Variants in CENPP observed in about 807,000 individuals in gnomAD.
CENPP encodes the protein centromere protein P.
A neutral mutation model predicts 35.6 loss-of-function variants in CENPP; 24 were observed. That is an observed-to-expected ratio of 0.67 (90% CI 0.49 to 0.95). CENPP has a LOEUF of 0.95. Ranked by LOEUF, CENPP falls within the 40% of genes least tolerant of loss-of-function variation. CENPP has a pLI of 0.00. For missense variants in CENPP, 332 were observed against 345.3 expected, an observed-to-expected ratio of 0.96 and a Z score of 0.31; for synonymous variants, 120 against 125.5, an observed-to-expected ratio of 0.96 and a Z score of 0.29.
intron 5 of CENPP, among the ~76,000 whole-genome samples, chr9:92,545,068 A>G (rs1011552816): frequency 6.6e-6 from 1 of 152,198 alleles, no homozygotes; most frequent in Non-Finnish European, 1.5e-5. Context: ...AAATCTTAAG[A>G]GGTGACAGCC....
chr9:92,560,648 G>A (rs2131341203), intron 5 of CENPP, among the ~76,000 whole-genome samples: 1 of 152,210 alleles, frequency 6.6e-6, no homozygotes, highest in Admixed American at 6.5e-5. Context: ...CCTACATCCT[G>A]TTTGGCTGTC....
intron 5 of CENPP, among the ~76,000 whole-genome samples, chr9:92,419,210 A>G (rs1331723927): frequency 3.3e-5 from 5 of 151,850 alleles, no homozygotes; most frequent in African/African-American, 1.2e-4. Context: ...GTCACTTAAC[A>G]TATCTGCCTC....
In CENPP at chr9:92,593,789, G is replaced by A. The variant is rs1445711484; in HGVS notation, c.565-17525G>A. ...AAGTTTTTTTCTTTAAATTCTTTCG[G>A]TAAAAAATGGGAGCCACTTATTAAA... On this transcript the variant is annotated intron_variant, in intron 5 of 7. Transcript: ENST00000375587. The surrounding 1 kb of genome is among the most constrained non-coding windows in gnomAD (Gnocchi z 4.1). Among the ~76,000 whole-genome samples the A allele has an allele frequency of 6.6e-6, 1 of 152,098 alleles. No individual in the cohort carries two copies. The highest frequency in any genetic ancestry group is 2.4e-5 in the African/African-American group (1 of 41,412).
chr9:92,372,239 T>C (rs1208931002), intron 4 of CENPP, among the ~76,000 whole-genome samples: 1 of 151,400 alleles, frequency 6.6e-6, no homozygotes, highest in Non-Finnish European at 1.5e-5. Context: ...AATTGCAGTC[T>C]ATATTTGTCT....
intron 5 of CENPP, among the ~76,000 whole-genome samples, chr9:92,598,049 T>C (rs926182345): frequency 1.3e-5 from 2 of 152,236 alleles, no homozygotes; most frequent in African/African-American, 4.8e-5. Context: ...GTTCCTTCTT[T>C]TAGTTCCATT....
chr9:92,470,386 T>A (rs1371970477), intron 5 of CENPP, among the ~76,000 whole-genome samples: 1 of 152,246 alleles, frequency 6.6e-6, no homozygotes, highest in Non-Finnish European at 1.5e-5. Context: ...TAATGTATAG[T>A]GACTGTTACT....
chr9:92,427,930 A>C (rs1365438483), intron 5 of CENPP, among the ~76,000 whole-genome samples: 1 of 152,186 alleles, frequency 6.6e-6, no homozygotes, highest in Admixed American at 6.6e-5. Flanking sequence ...AGGAGGGAGT[A>C]GGTGGTACTC....
intron 4 of CENPP, among the ~76,000 whole-genome samples, chr9:92,359,386 T>C (rs1462520746): frequency 6.6e-6 from 1 of 152,092 alleles, no homozygotes; most frequent in African/African-American, 2.4e-5. Context: ...TTATTGTTAT[T>C]ATTTATTTTA....
chr9:92,498,930 C>T (rs758318201), intron 5 of CENPP, among the ~76,000 whole-genome samples: 8 of 152,144 alleles, frequency 5.3e-5, no homozygotes, highest in African/African-American at 1.9e-4. Context: ...TTTCAAAATA[C>T]GGAATTTCCT....
At chr9:92,336,924 A>C (rs1840948342) in intron 2 of CENPP, among the ~76,000 whole-genome samples, 1 of 152,194 alleles carries the variant, frequency 6.6e-6, no homozygotes, top group Non-Finnish European at 1.5e-5. Context: ...TAAGTACTAG[A>C]TAGTGTTGAA....
intron 5 of CENPP, among the ~76,000 whole-genome samples, chr9:92,391,082 C>A (rs1466960578): frequency 6.6e-6 from 1 of 151,644 alleles, no homozygotes; most frequent in Non-Finnish European, 1.5e-5. Flanking sequence ...CTGGCCAACA[C>A]AGCGCAACCT....
intron 5 of CENPP, 31 bp downstream of exon 5, chr9:92,379,890 A>G (rs767165825): frequency 1.1e-5 from 15 of 1,354,770 alleles, no homozygotes; most frequent in Non-Finnish European, 1.5e-5. Context: ...ATTTAAACAT[A>G]TATGGAAAAC....
intron 5 of CENPP, among the ~76,000 whole-genome samples, chr9:92,421,003 G>C (rs1843775452): frequency 2.0e-5 from 3 of 152,148 alleles, no homozygotes; most frequent in Admixed American, 2.0e-4. Flanking sequence ...GTTAACTCTT[G>C]AAGGAGCAAA....
chr9:92,518,962 T>C (rs2131228038), intron 5 of CENPP, among the ~76,000 whole-genome samples: 1 of 152,286 alleles, frequency 6.6e-6, no homozygotes, highest in East Asian at 1.9e-4. Context: ...ATTGTAGATA[T>C]GTGGATAAGT....
intron 2 of CENPP, among the ~76,000 whole-genome samples, chr9:92,336,259 T>G (rs1031590842): frequency 2.0e-5 from 3 of 152,222 alleles, no homozygotes; most frequent in African/African-American, 7.2e-5. Flanking sequence ...TACATCTAAT[T>G]AGGAAGCAAA....
intron 5 of CENPP, chr9:92,459,867 C>T: frequency 9.9e-7 from 1 of 1,012,106 alleles, no homozygotes; most frequent in Non-Finnish European, 1.4e-6. Context: ...ATAAGCCTGT[C>T]CTATTTATAT....
chr9:92,486,796 T>G (rs1846068404), intron 5 of CENPP, among the ~76,000 whole-genome samples: 2 of 152,128 alleles, frequency 1.3e-5, no homozygotes, highest in Non-Finnish European at 2.9e-5. Flanking sequence ...TTTTTTTTTT[T>G]TTTGAGACGG....
chr9:92,602,538 C>T (rs1002424275), intron 5 of CENPP, among the ~76,000 whole-genome samples: 5 of 152,344 alleles, frequency 3.3e-5, no homozygotes, highest in Admixed American at 6.5e-5. Flanking sequence ...GTGCCAGCAG[C>T]TGCACCCAGG....
At chr9:92,378,330 C>CA (rs1842169230) in intron 4 of CENPP, among the ~76,000 whole-genome samples, 1 of 152,060 alleles carries the variant, frequency 6.6e-6, no homozygotes, top group Non-Finnish European at 1.5e-5. Flanking sequence ...GCATGATCTC[C>CA]GTTGGTTAGA....
Sources: allele counts gnomAD v4.1 joint callset (sites outside exome capture counted in the v4.1 genomes callset), GRCh38; gene constraint gnomAD v4.1.1; non-coding constraint Gnocchi (gnomAD v3.1); transcripts MANE v1.5; gene names NCBI Gene and HGNC (gene_info 2026-07-23, HGNC 2026-07-21).